The following HPSE2 variants were observed in gnomAD, a reference collection of about 807,000 sequenced individuals.
The protein encoded by HPSE2 is heparanase 2 (inactive).
HPSE2 carries 38 observed loss-of-function variants against 60.5 expected under a neutral mutation model. The observed-to-expected ratio is 0.63, with a 90% CI of 0.48 to 0.82. HPSE2 has a LOEUF of 0.82. HPSE2 is among the 40% of genes least tolerant of loss of function. HPSE2 has a pLI of 0.00. For missense variants in HPSE2, 713 were observed against 740.4 expected (o/e 0.96, Z 0.43); for synonymous variants, 295 against 293.2 (o/e 1.01, Z -0.06).
chr10:99,157,405 T>C (rs1237000799), intron 2 of HPSE2, among the ~76,000 whole-genome samples: 1 of 93,792 alleles, frequency 1.1e-5, no homozygotes, highest in African/African-American at 3.8e-5. Flanking sequence ...AAAACAGAGA[T>C]ATAGATCAAT....
chr10:99,176,204 T>C (rs1408234510), intron 2 of HPSE2, among the ~76,000 whole-genome samples: 1 of 152,088 alleles, frequency 6.6e-6, no homozygotes, highest in Non-Finnish European at 1.5e-5. Context: ...AAAACCAGAA[T>C]GGCTCTTGCC....
chr10:99,139,291 G>A (rs1042555145), intron 3 of HPSE2, among the ~76,000 whole-genome samples: 1 of 152,030 alleles, frequency 6.6e-6, no homozygotes, highest in Non-Finnish European at 1.5e-5. Context: ...AGAAGCAGAA[G>A]GGGGAGAAAG....
At chr10:99,004,194 A>G (rs1396747497) in intron 3 of HPSE2, among the ~76,000 whole-genome samples, 1 of 151,968 alleles carries the variant, frequency 6.6e-6, no homozygotes, top group East Asian at 1.9e-4. Flanking sequence ...TTTTTAATCC[A>G]TTCAGCCCCT....
intron 3 of HPSE2, among the ~76,000 whole-genome samples, chr10:98,758,583 T>C (rs1949934709): frequency 6.6e-6 from 1 of 152,078 alleles, no homozygotes; most frequent in Non-Finnish European, 1.5e-5. Flanking sequence ...TATAAAGAAA[T>C]GCTCAACACA....
intron 2 of HPSE2, among the ~76,000 whole-genome samples, chr10:99,153,670 C>T (rs1281808045): frequency 3.9e-5 from 6 of 152,178 alleles, no homozygotes; most frequent in African/African-American, 1.4e-4. Context: ...AGCAGAAAAA[C>T]TGGAAATTCT....
At chr10:99,314,694 A>G in the HPSE2 span, among the ~76,000 whole-genome samples, 1 of 152,202 alleles carries the variant, frequency 6.6e-6, no homozygotes, top group Non-Finnish European at 1.5e-5. Context: ...GTGCACTTAT[A>G]ATAGTATTAG....
chr10:98,721,909 CT>C, intron 4 of HPSE2, 81 bp from the exon 5 acceptor site: 1 of 1,131,190 alleles, frequency 8.8e-7, no homozygotes, highest in South Asian at 1.3e-5. Flanking sequence ...ATCTCTCTGC[CT>C]TTTTCTTAAT....
chr10:98,788,863 G>A (rs952757216), intron 3 of HPSE2, among the ~76,000 whole-genome samples: 4 of 151,668 alleles, frequency 2.6e-5, no homozygotes, highest in Non-Finnish European at 5.9e-5. Context: ...CTAGTGAGGT[G>A]AACCCGGTAC....
At chr10:99,170,687 C>A (rs1375377311) in intron 2 of HPSE2, among the ~76,000 whole-genome samples, 1 of 152,184 alleles carries the variant, frequency 6.6e-6, no homozygotes, top group Non-Finnish European at 1.5e-5. Flanking sequence ...TGTATCAAAT[C>A]TATTTCATTT....
chr10:98,923,686 ACT>A (rs1954356667), intron 3 of HPSE2, among the ~76,000 whole-genome samples: 1 of 151,250 alleles, frequency 6.6e-6, no homozygotes, highest in African/African-American at 2.4e-5. Context: ...CTATTAAGAG[ACT>A]CTGATAAATT....
rs117503316 is a variant in HPSE2 at position 98,627,846 on chromosome 10, G to A, written c.1099-7138C>T. On this transcript the variant is annotated intron_variant, in intron 7 of 11. Coordinates refer to ENST00000370552, the MANE Select transcript of HPSE2 (RefSeq NM_021828.5). The stretch of plus-strand genomic sequence containing the variant: ...AGAGTTGGTTGTTTTTCCTTCAGAC[G>A]TAGGACTTGTGGTGATAGGTAATAG... 7.9e-3 allele frequency among the ~76,000 whole-genome samples: 1,202 copies of A among 152,298 alleles called. 14 individuals are homozygous for A. Among genetic ancestry groups the A allele is most frequent in the Non-Finnish European group, 0.01 (694 of 68,018 alleles).
the HPSE2 span, among the ~76,000 whole-genome samples, chr10:99,271,382 T>A: frequency 6.6e-6 from 1 of 152,134 alleles, no homozygotes; most frequent in African/African-American, 2.4e-5. Context: ...CAACCCCTTT[T>A]ACAATAGCTG....
At chr10:98,844,102 G>C (rs1474678585) in intron 3 of HPSE2, among the ~76,000 whole-genome samples, 1 of 152,120 alleles carries the variant, frequency 6.6e-6, no homozygotes, top group Non-Finnish European at 1.5e-5. Context: ...GTGGCCTTGG[G>C]CAAGTCACTT....
chr10:99,032,527 A>AT (rs1377360924), intron 3 of HPSE2, among the ~76,000 whole-genome samples: 1 of 152,126 alleles, frequency 6.6e-6, no homozygotes, highest in East Asian at 1.9e-4. Context: ...TGCTTTTATA[A>AT]TTTTTTTAAA....
At chr10:98,806,133 A>G (rs913524265) in intron 3 of HPSE2, among the ~76,000 whole-genome samples, 2 of 152,202 alleles carry the variant, frequency 1.3e-5, no homozygotes, top group Non-Finnish European at 2.9e-5. Flanking sequence ...TAAAGTCTGT[A>G]TGTGACCTGG....
chr10:98,696,673 G>C (rs1321177563), intron 5 of HPSE2, among the ~76,000 whole-genome samples: 10 of 152,238 alleles, frequency 6.6e-5, no homozygotes, highest in African/African-American at 2.4e-4. Context: ...CCTCCCAGGA[G>C]GAGGGGTGAC....
At chr10:99,176,571 G>GA (rs1364384141) in intron 2 of HPSE2, among the ~76,000 whole-genome samples, 1 of 151,896 alleles carries the variant, frequency 6.6e-6, no homozygotes, top group African/African-American at 2.4e-5. Context: ...CAAGATTACA[G>GA]AAAAAATAAT....
intron 3 of HPSE2, among the ~76,000 whole-genome samples, chr10:98,947,382 T>A (rs181524619): frequency 8.5e-5 from 13 of 152,144 alleles, no homozygotes; most frequent in Non-Finnish European, 1.3e-4. Context: ...AAAAGGAAGG[T>A]GAAGTATCTA....
At chr10:98,932,743 G>C (rs1419319677) in intron 3 of HPSE2, among the ~76,000 whole-genome samples, 1 of 143,096 alleles carries the variant, frequency 7.0e-6, no homozygotes, top group Non-Finnish European at 1.5e-5. Context: ...ATTTCTTCTA[G>C]ATTTTCTAGT....
Sources: allele counts gnomAD v4.1 joint callset (sites outside exome capture counted in the v4.1 genomes callset), GRCh38; gene constraint gnomAD v4.1.1; transcripts MANE v1.5; gene names NCBI Gene and HGNC (gene_info 2026-07-23, HGNC 2026-07-21).